NTF3: variants seen among roughly 807,000 people sequenced by gnomAD.
The protein encoded by NTF3 is neurotrophin 3, also known as neurotrophin-3.
NTF3 carries 8 observed loss-of-function variants against 26.3 expected under a neutral mutation model. That is an observed-to-expected ratio of 0.30 (90% CI 0.18 to 0.55). NTF3 has a LOEUF of 0.55. Ranked by LOEUF, NTF3 falls within the 20% of genes least tolerant of loss-of-function variation. The pLI is 0.93. For synonymous variants in NTF3, 154 were observed against 145.5 expected (o/e 1.06, Z -0.42); for missense variants, 276 against 352.9 (o/e 0.78, Z 1.75).
Position 5,494,244 on chromosome 12 carries a change from C to T in NTF3, c.69C>T (p.Leu23=), listed in dbSNP as rs1028795544. The T allele has an allele frequency of 1.9e-6, 3 of 1,613,940 alleles. No individual in the cohort carries two copies. The highest frequency in any genetic ancestry group is 2.7e-5 in the African/African-American group (2 of 74,896). ...CCATCTTGTTTTATGTGATATTTCT[C>T]GCTTATCTCCGTGGCATCCAAGGTA... ...VMSILFYVIF[L]AYLRGIQGNN... is the part of the protein sequence containing the mutation. Residue 23 remains leucine (L), a synonymous_variant, in exon 2 of 2, where the codon CTC becomes CTT. Transcript: ENST00000423158. The surrounding 1 kb of genome is among the most constrained non-coding windows in gnomAD (Gnocchi z 8.3).
intron 1 of NTF3, among the ~76,000 whole-genome samples, chr12:5,493,537 T>A (rs1351503495): frequency 6.6e-6 from 1 of 152,122 alleles, no homozygotes; most frequent in Non-Finnish European, 1.5e-5. Context: ...GATGCGTATG[T>A]ATCAGAAAGC....
At position 5,432,142 on chromosome 12, in the gene NTF3, C is replaced by T; in HGVS notation, c.-183C>T. On this transcript the variant is annotated 5_prime_UTR_variant, in exon 1 of 2. Coordinates refer to ENST00000423158, the MANE Select transcript of NTF3 (RefSeq NM_001102654.2). ...TGAAGCTCCTCTCCCTTCCGAACAGCTCCGCGCACCGCCCCGCGACGCAGC... is the reference window on the plus strand; with the variant it reads ...TGAAGCTCCTCTCCCTTCCGAACAGTTCCGCGCACCGCCCCGCGACGCAGC... 1 of 706,746 alleles carries T rather than the reference C, an allele frequency of 1.4e-6. No homozygotes were observed. The highest frequency in any genetic ancestry group is 2.5e-6 in the Non-Finnish European group (1 of 398,186). 43.8% of individuals were successfully genotyped at this position (706,746 alleles called of 1,614,324 possible).
intron 1 of NTF3, among the ~76,000 whole-genome samples, chr12:5,474,254 AAG>A (rs777401089): frequency 6.6e-6 from 1 of 152,228 alleles, no homozygotes; most frequent in Non-Finnish European, 1.5e-5. Flanking sequence ...AACACATCAA[AAG>A]AGAGCATACA....
intron 1 of NTF3, among the ~76,000 whole-genome samples, chr12:5,486,887 G>T (rs1394643025): frequency 4.1e-5 from 2 of 48,502 alleles, no homozygotes; most frequent in Non-Finnish European, 9.6e-5. Context: ...CGTGGTGTGT[G>T]TGTGTGTGTG....
chr12:5,434,889 T>C (rs1940148180), intron 1 of NTF3, among the ~76,000 whole-genome samples: 1 of 151,534 alleles, frequency 6.6e-6, no homozygotes, highest in Admixed American at 6.6e-5. Context: ...GAGGGTGCAC[T>C]GGGAAATTTG....
chr12:5,480,797 A>G (rs1331710260), intron 1 of NTF3, among the ~76,000 whole-genome samples: 2 of 116,164 alleles, frequency 1.7e-5, no homozygotes, highest in African/African-American at 3.3e-5. Flanking sequence ...AGGAGCTCCT[A>G]GAGTTTTTCA....
intron 1 of NTF3, among the ~76,000 whole-genome samples, chr12:5,454,765 AAGG>A: frequency 6.6e-6 from 1 of 152,218 alleles, no homozygotes; most frequent in Non-Finnish European, 1.5e-5. Context: ...CATGGAAAGC[AAGG>A]AGGACAGCGG....
chr12:5,481,498 ACAG>A (rs1940795620), intron 1 of NTF3, among the ~76,000 whole-genome samples: 1 of 148,310 alleles, frequency 6.7e-6, no homozygotes, highest in Non-Finnish European at 1.5e-5. Flanking sequence ...CCACAGATAC[ACAG>A]AATACCACAC....
chr12:5,469,969 G>C (rs1940643646), intron 1 of NTF3, among the ~76,000 whole-genome samples: 1 of 152,174 alleles, frequency 6.6e-6, no homozygotes, highest in African/African-American at 2.4e-5. Flanking sequence ...CTGTCACCCA[G>C]GCTAGAGTGC....
intron 1 of NTF3, 171 bp downstream of exon 1, chr12:5,432,513 G>A: frequency 4.0e-6 from 1 of 250,510 alleles, no homozygotes; most frequent in Non-Finnish European, 6.3e-6. Flanking sequence ...CAAAGTTTGC[G>A]CTGGGATCTG....
intron 1 of NTF3, among the ~76,000 whole-genome samples, chr12:5,486,880 GGTGT>G (rs10527557): frequency 0.071 from 10,618 of 148,728 alleles, 643 homozygotes; most frequent in African/African-American, 0.17. Flanking sequence ...GTAGTTACGT[GGTGT>G]GTGTGTGTGT....
intron 1 of NTF3, among the ~76,000 whole-genome samples, chr12:5,446,806 C>T (rs1436558352): frequency 6.6e-6 from 1 of 152,216 alleles, no homozygotes; most frequent in East Asian, 1.9e-4. Flanking sequence ...TAAGTGCATG[C>T]TTCGGTAAGA....
chr12:5,488,592 G>A (rs933994692), intron 1 of NTF3, among the ~76,000 whole-genome samples: 1 of 152,114 alleles, frequency 6.6e-6, no homozygotes. Context: ...TAAGATTTGG[G>A]GAACAAGCAT....
intron 1 of NTF3, among the ~76,000 whole-genome samples, chr12:5,491,649 A>G (rs1445432464): frequency 6.6e-6 from 1 of 151,568 alleles, no homozygotes; most frequent in Non-Finnish European, 1.5e-5. Flanking sequence ...CAGTCATCAC[A>G]TGGAAAAGGG....
chr12:5,434,109 CAG>C (rs1407331757), intron 1 of NTF3, among the ~76,000 whole-genome samples: 1 of 152,170 alleles, frequency 6.6e-6, no homozygotes, highest in Non-Finnish European at 1.5e-5. Context: ...CCAGCGTACT[CAG>C]CCTGCCTCCC....
chr12:5,455,539 C>CACAA (rs1809379900), intron 1 of NTF3, among the ~76,000 whole-genome samples: 2 of 46,478 alleles, frequency 4.3e-5, no homozygotes, highest in African/African-American at 1.1e-4. Context: ...CCCCAACACA[C>CACAA]ACACACACAC....
chr12:5,482,039 T>A (rs1940812728), intron 1 of NTF3, among the ~76,000 whole-genome samples: 1 of 151,858 alleles, frequency 6.6e-6, no homozygotes, highest in Non-Finnish European at 1.5e-5. Context: ...CTCGCAGGCA[T>A]ACATGCATGC....
chr12:5,493,933 G>A (rs985872131), intron 1 of NTF3, among the ~76,000 whole-genome samples: 4 of 152,094 alleles, frequency 2.6e-5, no homozygotes, highest in Non-Finnish European at 5.9e-5. Flanking sequence ...AGAGACCGCA[G>A]GATAAAGCAG....
At chr12:5,441,093 A>G (rs1277302265) in intron 1 of NTF3, among the ~76,000 whole-genome samples, 1 of 152,208 alleles carries the variant, frequency 6.6e-6, no homozygotes, top group Non-Finnish European at 1.5e-5. Context: ...AAGCTAAATC[A>G]GAGAGATCCC....
Sources: allele counts gnomAD v4.1 joint callset (sites outside exome capture counted in the v4.1 genomes callset), GRCh38; gene constraint gnomAD v4.1.1; non-coding constraint Gnocchi (gnomAD v3.1); transcripts MANE v1.5; gene names NCBI Gene and HGNC (gene_info 2026-07-23, HGNC 2026-07-21).